CAPS2: variants seen among roughly 807,000 people sequenced by gnomAD.
The protein encoded by CAPS2 is calcyphosine 2, also known as calcyphosin-2.
CAPS2 carries 98 observed loss-of-function variants against 86.5 expected under a neutral mutation model. The ratio of observed to expected loss-of-function variants is 1.13; its 90% confidence interval spans 0.96 to 1.34. The LOEUF is 1.34. CAPS2 is among the 40% of genes most tolerant of loss of function. CAPS2 has a pLI of 0.00. For synonymous variants in CAPS2, 210 were observed against 225.1 expected, an observed-to-expected ratio of 0.93 and a Z score of 0.60; for missense variants, 729 against 686.8, an observed-to-expected ratio of 1.06 and a Z score of -0.69.
intron 1 of CAPS2, chr12:75,369,902 G>T (rs1342819580): frequency 2.3e-6 from 3 of 1,312,052 alleles, no homozygotes; most frequent in Non-Finnish European, 3.0e-6. Flanking sequence ...TAAAAGCAAA[G>T]AAATATGTTT....
intron 1 of CAPS2, among the ~76,000 whole-genome samples, chr12:75,377,840 G>GATATATATATATAT (rs71078726): frequency 8.2e-5 from 12 of 146,986 alleles, no homozygotes; most frequent in African/African-American, 1.3e-4. Flanking sequence ...AACCATCACA[G>GATATATATATATAT]ATATATATAT....
exon 12 of CAPS2, chr12:75,293,351 A>C (rs755017962): frequency 6.2e-7 from 1 of 1,611,380 alleles, no homozygotes; most frequent in South Asian, 1.1e-5. Context: ...AGAACTCAAA[A>C]ATGTCAAGGT....
chr12:75,333,000 T>G (rs1402999659), upstream of CAPS2, among the ~76,000 whole-genome samples: 1 of 152,128 alleles, frequency 6.6e-6, no homozygotes, highest in Non-Finnish European at 1.5e-5. Context: ...AGCATCCTTA[T>G]CAAGCTGATG....
In CAPS2 at chr12:75,386,827, A is replaced by G. The variant is rs150453966; in HGVS notation, c.-395+4011T>C. Among the ~76,000 whole-genome samples, 69 of 152,170 alleles carry G rather than the reference A, an allele frequency of 4.5e-4. 2 individuals are homozygous for G. In the East Asian group the frequency reaches 0.012, roughly 27 times the overall value. On this transcript the variant is annotated intron_variant, in intron 1 of 5. Transcript: ENST00000551829. ...ATGGAGAAATGTAGTCTTTTCAACA[A>G]ATGGTTCTGGAACAACTGAACGTCC...
intron 14 of CAPS2, among the ~76,000 whole-genome samples, chr12:75,287,562 A>T (rs2035113695): frequency 6.6e-6 from 1 of 152,144 alleles, no homozygotes; most frequent in Non-Finnish European, 1.5e-5. Context: ...TATCCAATGT[A>T]GTCTCCATAG....
intron 1 of CAPS2, among the ~76,000 whole-genome samples, chr12:75,361,819 C>G (rs771403496): frequency 3.3e-5 from 5 of 152,154 alleles, no homozygotes; most frequent in Non-Finnish European, 7.4e-5. Flanking sequence ...TTGGGGCTTA[C>G]AGGTTCCTCC....
At chr12:75,303,496 A>G (rs1170186859) in intron 8 of CAPS2, among the ~76,000 whole-genome samples, 1 of 152,172 alleles carries the variant, frequency 6.6e-6, no homozygotes, top group Non-Finnish European at 1.5e-5. Context: ...GGGTACTGGC[A>G]ATTGTCTGTT....
chr12:75,278,322 T>C (rs1437765254), exon 17 of CAPS2: 1 of 984,036 alleles, frequency 1.0e-6, no homozygotes, highest in Admixed American at 6.2e-5. Context: ...TCATTTGAAA[T>C]ATTCTATATA....
chr12:75,329,379 TA>T (rs2041087299), upstream of CAPS2, among the ~76,000 whole-genome samples: 3 of 152,294 alleles, frequency 2.0e-5, no homozygotes, highest in Admixed American at 1.3e-4. Context: ...TGTCCCCACT[TA>T]AATGGCTGCA....
intron 2 of CAPS2, among the ~76,000 whole-genome samples, chr12:75,323,702 C>A (rs1016949453): frequency 6.6e-6 from 1 of 152,216 alleles, no homozygotes; most frequent in Non-Finnish European, 1.5e-5. Flanking sequence ...GAGATTGCGC[C>A]ATTGCACTCC....
chr12:75,276,050 TTAAAA>T (rs2032879868), downstream of CAPS2: 3 of 691,744 alleles, frequency 4.3e-6, no homozygotes, highest in South Asian at 2.9e-5. Context: ...TTATAGAACT[TTAAAA>T]TAAAAATGGA....
intron 14 of CAPS2, among the ~76,000 whole-genome samples, chr12:75,288,534 C>G (rs759112421): frequency 3.3e-5 from 5 of 152,190 alleles, no homozygotes; most frequent in Admixed American, 2.0e-4. Context: ...CTACAAAATA[C>G]ACATCTTGTG....
At chr12:75,369,777 G>A (rs1593873196) in intron 1 of CAPS2, 24 of 983,986 alleles carry the variant, frequency 2.4e-5, no homozygotes, top group Non-Finnish European at 2.9e-5. Flanking sequence ...TAACACTGTT[G>A]GTAGGAAGCA....
intron 1 of CAPS2, among the ~76,000 whole-genome samples, chr12:75,367,216 A>T (rs934119987): frequency 1.4e-5 from 2 of 145,678 alleles, no homozygotes; most frequent in Non-Finnish European, 3.0e-5. Context: ...AAGATCCTTT[A>T]GAATGTACCT....
rs560518842 is a variant in CAPS2 at position 75,361,187 on chromosome 12, C to T, written c.-395+29651G>A. 2.6e-3 allele frequency among the ~76,000 whole-genome samples: 390 copies of T among 152,008 alleles called. 3 individuals carry two copies. Among genetic ancestry groups the T allele is most frequent in the Non-Finnish European group, 4.3e-3 (291 of 67,980 alleles). ...GAATGAAGAGTGTGTGCTGATTGGT[C>T]TGTTGGTATGCCAAAAAAAATAAAT... is the stretch of plus-strand genomic sequence containing the variant. On this transcript the variant is annotated intron_variant, in intron 1 of 5. Transcript: ENST00000551829.
intron 12 of CAPS2, 126 bp from the exon 13 acceptor site, chr12:75,291,946 G>A: frequency 2.6e-6 from 1 of 379,290 alleles, no homozygotes; most frequent in Non-Finnish European, 4.7e-6. Flanking sequence ...AGAGTGCTTA[G>A]AATTTAATCA....
downstream of CAPS2, chr12:75,276,372 GA>G: frequency 7.3e-7 from 1 of 1,372,650 alleles, no homozygotes; most frequent in East Asian, 2.9e-5. Flanking sequence ...ATTCTCTCCT[GA>G]AATACTTGAT....
chr12:75,286,961 G>A (rs946314256), intron 14 of CAPS2, among the ~76,000 whole-genome samples: 2 of 151,716 alleles, frequency 1.3e-5, no homozygotes, highest in African/African-American at 2.4e-5. Context: ...AAAAAGGGAA[G>A]TATTGTTATG....
chr12:75,302,142 T>A (rs1313291435), intron 8 of CAPS2, among the ~76,000 whole-genome samples: 1 of 152,100 alleles, frequency 6.6e-6, no homozygotes, highest in Non-Finnish European at 1.5e-5. Flanking sequence ...GCCTCTAAAT[T>A]TATGTAGCAG....
Sources: gnomAD v4.1 joint callset for allele counts (sites outside exome capture counted in the v4.1 genomes callset) on GRCh38, gnomAD v4.1.1 for gene constraint, MANE v1.5 for transcripts, NCBI Gene and HGNC (gene_info 2026-07-23, HGNC 2026-07-21) for gene names.